GUCY1A2: variants seen among roughly 807,000 people sequenced by gnomAD.
GUCY1A2 encodes guanylate cyclase soluble subunit alpha-2.
In GUCY1A2, 27 loss-of-function variants were observed where a neutral mutation model predicts 63.5. The ratio of observed to expected loss-of-function variants is 0.43; its 90% CI spans 0.31 to 0.59. The LOEUF (loss-of-function observed/expected upper bound fraction) is 0.59. Among genes scored for constraint, GUCY1A2 ranks in the 20% least tolerant of loss-of-function variants. The pLI is 0.11. For synonymous variants in GUCY1A2, 364 were observed against 343.5 expected, an observed-to-expected ratio of 1.06 and a Z score of -0.66; for missense variants, 768 against 913.3, an observed-to-expected ratio of 0.84 and a Z score of 2.05.
intron 6 of GUCY1A2, among the ~76,000 whole-genome samples, chr11:106,744,571 G>T (rs1863754438): frequency 6.6e-6 from 1 of 152,118 alleles, no homozygotes; most frequent in Admixed American, 6.6e-5. Context: ...CATTTTTGAA[G>T]ATGTGCTTAT....
rs1860239200 is a variant in GUCY1A2 at position 106,908,163 on chromosome 11, T to C, written c.1206+31297A>G. ...ATTAGGCAAATGGCATTGGGGTCCC[T>C]CATTAAAATCTTAAAAGAGAAAGGA... On this transcript the variant is annotated intron_variant, in intron 4 of 7. Transcript: ENST00000526355. Among the ~76,000 whole-genome samples the C allele has an allele frequency of 2.0e-5, 3 of 152,064 alleles. No homozygotes were observed. In the South Asian group the frequency reaches 6.2e-4, roughly 31 times the overall value.
At chr11:106,739,658 T>C (rs1328586435) in intron 6 of GUCY1A2, among the ~76,000 whole-genome samples, 1 of 152,176 alleles carries the variant, frequency 6.6e-6, no homozygotes, top group Non-Finnish European at 1.5e-5. Context: ...CCTAATTAGT[T>C]TCTTATTATC....
intron 3 of GUCY1A2, among the ~76,000 whole-genome samples, chr11:106,959,414 A>C (rs1290091850): frequency 2.0e-5 from 3 of 152,194 alleles, no homozygotes; most frequent in Non-Finnish European, 4.4e-5. Context: ...GCATACTCAC[A>C]CATATTTTAT....
At chr11:106,882,638 T>C (rs186311883) in intron 4 of GUCY1A2, among the ~76,000 whole-genome samples, 13 of 152,118 alleles carry the variant, frequency 8.5e-5, no homozygotes, top group Non-Finnish European at 1.5e-4. Flanking sequence ...GCTATCTGGA[T>C]ATAGGGCTTG....
At chr11:106,965,975 G>A (rs1237303670) in intron 3 of GUCY1A2, among the ~76,000 whole-genome samples, 2 of 151,356 alleles carry the variant, frequency 1.3e-5, no homozygotes, top group East Asian at 1.9e-4. Context: ...AGAAATATCA[G>A]TGAAACAGCA....
chr11:106,988,288 C>T (rs1431137260), intron 1 of GUCY1A2, among the ~76,000 whole-genome samples: 1 of 152,186 alleles, frequency 6.6e-6, no homozygotes, highest in Non-Finnish European at 1.5e-5. Context: ...GCCTCTTGCA[C>T]TGGCTTGGCA....
intron 6 of GUCY1A2, among the ~76,000 whole-genome samples, chr11:106,722,128 T>C (rs367677040): frequency 1.3e-5 from 2 of 152,296 alleles, no homozygotes; most frequent in Admixed American, 6.5e-5. Context: ...AATGTTCCTC[T>C]TTCCCTCTTC....
intron 4 of GUCY1A2, among the ~76,000 whole-genome samples, chr11:106,828,763 T>G (rs967652041): frequency 6.6e-6 from 1 of 152,202 alleles, no homozygotes; most frequent in Admixed American, 6.5e-5. Flanking sequence ...TGCCAGAATA[T>G]GTTTTCAAAA....
At chr11:106,765,322 T>G (rs952387421) in intron 6 of GUCY1A2, among the ~76,000 whole-genome samples, 2 of 152,048 alleles carry the variant, frequency 1.3e-5, no homozygotes, top group Non-Finnish European at 2.9e-5. Context: ...AGAATTATAT[T>G]CCTAAAAGCC....
chr11:106,974,931 A>G (rs947406900), intron 3 of GUCY1A2, among the ~76,000 whole-genome samples: 5 of 152,258 alleles, frequency 3.3e-5, no homozygotes, highest in Middle Eastern at 3.4e-3. Context: ...TTTATATGCT[A>G]TAACTCCTCA....
At chr11:106,851,039 T>C (rs1404925611) in intron 4 of GUCY1A2, among the ~76,000 whole-genome samples, 1 of 151,978 alleles carries the variant, frequency 6.6e-6, no homozygotes, top group East Asian at 1.9e-4. Context: ...CCATTCTAAC[T>C]GGAGTGACAT....
At position 106,712,241 on chromosome 11, in the gene GUCY1A2, C is replaced by T. The variant is rs570539213; in HGVS notation, c.1837-3575G>A. ...CATTTATTTGGGATAATTTCTATTG[C>T]TATGTCTTCAAATTTATAATATTTT... On this transcript the variant is annotated intron_variant, in intron 6 of 7. Coordinates refer to ENST00000526355, the MANE Select transcript of GUCY1A2 (RefSeq NM_000855.3). Among the ~76,000 whole-genome samples the T allele has an allele frequency of 3.9e-5, 6 of 152,122 alleles. No homozygotes were observed. The South Asian group carries it at 1.2e-3, about 32-fold the overall frequency.
At chr11:106,705,940 T>C (rs1161061187) in intron 7 of GUCY1A2, among the ~76,000 whole-genome samples, 3 of 152,030 alleles carry the variant, frequency 2.0e-5, no homozygotes, top group African/African-American at 7.3e-5. Context: ...ACTGAGAAAA[T>C]TACAAAGAAA....
At chr11:106,896,777 T>C (rs1221688071) in intron 4 of GUCY1A2, among the ~76,000 whole-genome samples, 6 of 152,202 alleles carry the variant, frequency 3.9e-5, no homozygotes, top group Non-Finnish European at 8.8e-5. Flanking sequence ...GCCACTGTCT[T>C]GATCTTGAAT....
intron 1 of GUCY1A2, among the ~76,000 whole-genome samples, chr11:107,016,102 G>T (rs565421089): frequency 1.3e-5 from 2 of 152,256 alleles, no homozygotes; most frequent in South Asian, 4.1e-4. Context: ...GACCTGTCTG[G>T]TACCCGTACT....
At chr11:106,885,999 T>C (rs181600556) in intron 4 of GUCY1A2, among the ~76,000 whole-genome samples, 54 of 152,238 alleles carry the variant, frequency 3.5e-4, no homozygotes, top group Admixed American at 1.7e-3. Flanking sequence ...ATTTTCTGCA[T>C]TGAATTACTG....
intron 5 of GUCY1A2, among the ~76,000 whole-genome samples, chr11:106,783,913 C>G (rs1764264565): frequency 6.6e-6 from 1 of 152,068 alleles, no homozygotes; most frequent in Admixed American, 6.5e-5. Flanking sequence ...TCAGTGTCAC[C>G]ATATCCACCC....
At chr11:106,797,547 C>T (rs1864789108) in intron 5 of GUCY1A2, among the ~76,000 whole-genome samples, 1 of 152,024 alleles carries the variant, frequency 6.6e-6, no homozygotes. Flanking sequence ...CACTCCTCAA[C>T]AGAAATTATA....
chr11:106,940,719 C>T (rs954528152), intron 3 of GUCY1A2, among the ~76,000 whole-genome samples: 3 of 152,112 alleles, frequency 2.0e-5, no homozygotes, highest in Non-Finnish European at 2.9e-5. Flanking sequence ...CCTAAAAATC[C>T]TGTTTATCCC....
Sources: allele counts gnomAD v4.1 joint callset (sites outside exome capture counted in the v4.1 genomes callset), GRCh38; gene constraint gnomAD v4.1.1; transcripts MANE v1.5; gene names NCBI Gene and HGNC (gene_info 2026-07-23, HGNC 2026-07-21).